Variants in ORC4 observed in about 807,000 individuals in gnomAD.
ORC4 encodes the protein origin recognition complex subunit 4, also known as origin recognition complex, subunit 4 homolog.
In ORC4, 55 loss-of-function variants were observed where a neutral mutation model predicts 63.9. The observed-to-expected ratio is 0.86, with a 90% CI of 0.69 to 1.08. ORC4 has a LOEUF of 1.08. ORC4 is among the 50% of genes least tolerant of loss of function. The pLI, the probability that ORC4 is intolerant of heterozygous loss-of-function variation, is 0.00. For missense variants in ORC4, 511 were observed against 504.4 expected, an observed-to-expected ratio of 1.01 and a Z score of -0.13; for synonymous variants, 150 against 168.5, an observed-to-expected ratio of 0.89 and a Z score of 0.85.
chr2:148,005,157 A>G (rs1323068700), intron 1 of ORC4, among the ~76,000 whole-genome samples: 1 of 152,256 alleles, frequency 6.6e-6, no homozygotes, highest in Non-Finnish European at 1.5e-5. Flanking sequence ...GAACCAATCC[A>G]AATGTCCTTC....
chr2:147,963,747 T>C (rs1052660014), intron 4 of ORC4, among the ~76,000 whole-genome samples: 1 of 151,874 alleles, frequency 6.6e-6, no homozygotes, highest in Admixed American at 6.6e-5. Context: ...GCCCCCAAAC[T>C]GAGAACCAGC....
intron 1 of ORC4, 54 bp from the exon 2 acceptor site, chr2:147,976,029 T>A: frequency 1.1e-6 from 1 of 898,806 alleles, no homozygotes; most frequent in Non-Finnish European, 1.9e-6. Flanking sequence ...AGAGATTACT[T>A]AAGAATTTAC....
At chr2:148,015,134 G>T (rs780973917) in intron 1 of ORC4, among the ~76,000 whole-genome samples, 4 of 148,562 alleles carry the variant, frequency 2.7e-5, no homozygotes, top group Non-Finnish European at 6.0e-5. Context: ...AAGAAGAAAA[G>T]AATTCCACAC....
rs1689375899 is a variant in ORC4 at position 147,958,289 on chromosome 2, G to T, written c.387+9C>A. 6.5e-7 allele frequency: 1 copy of T among 1,535,214 alleles called. No homozygotes were observed. The highest frequency in any genetic ancestry group is 2.3e-5 in the East Asian group (1 of 44,282). On this transcript the variant is annotated intron_variant, in intron 6 of 13. Coordinates refer to ENST00000392857, the MANE Select transcript of ORC4 (RefSeq NM_181741.4). Reference sequence around the variant, plus strand: ...GTCTATTTAATAAAATAACTGAAATGATACTTACAAAAACTTTATCTCCAA... The same window carrying T: ...GTCTATTTAATAAAATAACTGAAATTATACTTACAAAAACTTTATCTCCAA...
chr2:148,016,935 T>C (rs1693334319), intron 1 of ORC4, among the ~76,000 whole-genome samples: 1 of 152,180 alleles, frequency 6.6e-6, no homozygotes, highest in African/African-American at 2.4e-5. Flanking sequence ...AAATCTGTAA[T>C]ATCCCCCAAA....
chr2:148,005,656 CAAAAAAAAAAAA>C (rs55869341), intron 1 of ORC4, among the ~76,000 whole-genome samples: 16 of 51,492 alleles, frequency 3.1e-4, no homozygotes, highest in African/African-American at 1.1e-3. Flanking sequence ...ACTATCCATG[CAAAAAAAAAAAA>C]AAAAAAAAAA....
intron 1 of ORC4, among the ~76,000 whole-genome samples, chr2:147,987,663 C>A (rs571321681): frequency 1.3e-5 from 2 of 152,022 alleles, no homozygotes; most frequent in South Asian, 4.2e-4. Flanking sequence ...TCAAAGTTGT[C>A]CAAGCACAGG....
Position 148,019,999 on chromosome 2 carries a change from G to A in ORC4, c.-18+634C>T, listed in dbSNP as rs149976545. Among the ~76,000 whole-genome samples, 32 of 152,228 alleles carry A rather than the reference G, an allele frequency of 2.1e-4. No individual in the cohort carries two copies. The East Asian group carries it at 5.8e-3, about 28-fold the overall frequency. On this transcript the variant is annotated intron_variant, in intron 1 of 13. Coordinates refer to ENST00000392857, the MANE Select transcript of ORC4 (RefSeq NM_181741.4). ...CACTATAAGGGGAAACTTTGATCAC[G>A]TCCCTTCTCCTTCATCAATCGTAGA...
intron 4 of ORC4, among the ~76,000 whole-genome samples, chr2:147,970,224 A>T (rs1309724877): frequency 9.2e-5 from 14 of 152,198 alleles, no homozygotes; most frequent in Non-Finnish European, 1.5e-5. Context: ...TACTCCAAGA[A>T]CGGGAAGACT....
intron 13 of ORC4, 95 bp from the exon 14 acceptor site, chr2:147,935,793 G>A: frequency 9.6e-7 from 1 of 1,043,546 alleles, no homozygotes. Context: ...TTGGTCAGCT[G>A]CAGAACAGAG....
chr2:147,969,953 T>C (rs1350773065), intron 4 of ORC4, among the ~76,000 whole-genome samples: 1 of 151,722 alleles, frequency 6.6e-6, no homozygotes, highest in Non-Finnish European at 1.5e-5. Context: ...ACTGTCTAAG[T>C]AAAAAAATCT....
At chr2:147,945,852 A>G (rs1250661837) in intron 9 of ORC4, among the ~76,000 whole-genome samples, 3 of 152,070 alleles carry the variant, frequency 2.0e-5, no homozygotes, top group Non-Finnish European at 4.4e-5. Flanking sequence ...TCCACAAGGC[A>G]GGGACTCTGA....
intron 4 of ORC4, among the ~76,000 whole-genome samples, chr2:147,962,155 G>A (rs188072339): frequency 2.0e-5 from 3 of 152,196 alleles, no homozygotes; most frequent in East Asian, 1.9e-4. Flanking sequence ...AAATCTTCCC[G>A]TAGTCAGGAG....
intron 4 of ORC4, among the ~76,000 whole-genome samples, chr2:147,967,836 G>C (rs1464869183): frequency 1.3e-5 from 2 of 151,836 alleles, no homozygotes; most frequent in African/African-American, 4.8e-5. Flanking sequence ...ATGCCAAATC[G>C]CTAAAGCAAT....
chr2:148,011,058 G>A (rs1692938302), intron 1 of ORC4, among the ~76,000 whole-genome samples: 1 of 151,788 alleles, frequency 6.6e-6, no homozygotes, highest in Non-Finnish European at 1.5e-5. Context: ...CAAACTCCTG[G>A]CTTCAAGAGA....
intron 4 of ORC4, among the ~76,000 whole-genome samples, chr2:147,969,928 T>C (rs973575977): frequency 3.9e-5 from 6 of 151,988 alleles, no homozygotes; most frequent in African/African-American, 1.4e-4. Flanking sequence ...ACTGTCTTTG[T>C]TGACAGATAA....
At chr2:147,942,079 C>A (rs1688396861) in intron 10 of ORC4, among the ~76,000 whole-genome samples, 1 of 151,912 alleles carries the variant, frequency 6.6e-6, no homozygotes, top group Non-Finnish European at 1.5e-5. Flanking sequence ...CTTTAAGGAG[C>A]CTCAATTTCT....
intron 2 of ORC4, 98 bp downstream of exon 2, chr2:147,975,804 T>TA: frequency 2.5e-6 from 2 of 801,726 alleles, no homozygotes; most frequent in Non-Finnish European, 4.4e-6. Flanking sequence ...TGATTCTTCC[T>TA]AAATGCTAAA....
At chr2:148,020,110 A>C (rs981681774) in intron 1 of ORC4, among the ~76,000 whole-genome samples, 2 of 152,130 alleles carry the variant, frequency 1.3e-5, no homozygotes, top group African/African-American at 2.4e-5. Context: ...CAAGACATGG[A>C]GGGAAGCTCC....
Sources: allele counts gnomAD v4.1 joint callset (sites outside exome capture counted in the v4.1 genomes callset), GRCh38; gene constraint gnomAD v4.1.1; transcripts MANE v1.5; gene names NCBI Gene and HGNC (gene_info 2026-07-23, HGNC 2026-07-21).